ANK3: variants seen among roughly 807,000 people sequenced by gnomAD.
The protein encoded by ANK3 is ankyrin 3.
A neutral mutation model predicts 370.9 loss-of-function variants in ANK3; 57 were observed. That is an observed-to-expected ratio of 0.15 (90% CI 0.12 to 0.19). The LOEUF (loss-of-function observed/expected upper bound fraction) is 0.19, where lower values mean the gene tolerates loss of function less well. Ranked by LOEUF, ANK3 falls within the 10% of genes least tolerant of loss-of-function variation. ANK3 has a pLI of 1.00. For synonymous variants in ANK3, 1,929 were observed against 1,946.3 expected, an observed-to-expected ratio of 0.99 and a Z score of 0.23; for missense variants, 4,439 against 5,302.1, an observed-to-expected ratio of 0.84 and a Z score of 5.06.
chr10:60,488,189 A>AT (rs1296117474), intron 2 of ANK3, among the ~76,000 whole-genome samples: 1 of 152,080 alleles, frequency 6.6e-6, no homozygotes, highest in Non-Finnish European at 1.5e-5. Context: ...TGCCATTTGG[A>AT]TTTTCTTTGC....
At chr10:60,406,168 C>A (rs2063452094) in intron 2 of ANK3, among the ~76,000 whole-genome samples, 1 of 152,152 alleles carries the variant, frequency 6.6e-6, no homozygotes, top group African/African-American at 2.4e-5. Context: ...CTTTCCAGAC[C>A]ATACATAATA....
intron 2 of ANK3, among the ~76,000 whole-genome samples, chr10:60,425,694 G>T (rs1408092016): frequency 1.3e-5 from 2 of 152,130 alleles, no homozygotes; most frequent in African/African-American, 4.8e-5. Context: ...GATCATGAAA[G>T]ATTAAGGAAG....
At chr10:60,693,936 C>G (rs556638168) in intron 1 of ANK3, among the ~76,000 whole-genome samples, 1 of 151,516 alleles carries the variant, frequency 6.6e-6, no homozygotes, top group Non-Finnish European at 1.5e-5. Context: ...AGGCTTCAGA[C>G]GATCAAATTA....
chr10:60,220,666 T>A (rs1379368579), intron 8 of ANK3, among the ~76,000 whole-genome samples: 1 of 152,198 alleles, frequency 6.6e-6, no homozygotes, highest in African/African-American at 2.4e-5. Context: ...GCTTCCATTG[T>A]CCTGCCTTTC....
chr10:60,327,366 TTTTC>T lies in ANK3; in HGVS notation c.115-47731_115-47728del, dbSNP rs2050153591. ...TTAAGATAGCAAGCTGTTTTTTGTT[TTTTC>T]TTTCTAAGTGGACAGATACAATACA... On this transcript the variant is annotated intron_variant, in intron 1 of 43. Transcript: ENST00000280772. Among the ~76,000 whole-genome samples the T allele has an allele frequency of 2.6e-5, 4 of 152,346 alleles. No individual in the cohort carries two copies. The South Asian group carries it at 8.3e-4, about 32-fold the overall frequency.
At position 60,587,353 on chromosome 10, in the gene ANK3, C is replaced by T. The variant is rs191865019; in HGVS notation, c.96+27833G>A. On this transcript the variant is annotated intron_variant, in intron 2 of 43. Transcript: ENST00000373827. ...GAAGATAAACTTGAATTACATTAAG[C>T]CACTGAGATTATGGCTACTTTCATT... 5.3e-5 allele frequency among the ~76,000 whole-genome samples: 8 copies of T among 152,278 alleles called. No individual in the cohort carries two copies. The East Asian group carries it at 1.4e-3, about 26-fold the overall frequency.
rs554679107 is a variant in ANK3 at position 60,326,898 on chromosome 10, T to A, written c.115-47259A>T. ...TAGTCGGGTGCGGTGCGGGCGCCTT[T>A]AGTCCCAGCTACTCAGGAGGCTGAG... On this transcript the variant is annotated intron_variant, in intron 1 of 43. Transcript: ENST00000280772. Among the ~76,000 whole-genome samples, 3 of 152,056 alleles carry A rather than the reference T, an allele frequency of 2.0e-5. No individual in the cohort carries two copies. The East Asian group carries it at 5.8e-4, about 29-fold the overall frequency.
chr10:60,567,178 AG>A (rs2077483478), intron 2 of ANK3, among the ~76,000 whole-genome samples: 1 of 152,198 alleles, frequency 6.6e-6, no homozygotes, highest in South Asian at 2.1e-4. Context: ...CCTATACTGT[AG>A]TGGGAGAAGA....
intron 23 of ANK3, among the ~76,000 whole-genome samples, chr10:60,141,317 G>C (rs117421224): frequency 2.6e-5 from 4 of 152,064 alleles, no homozygotes; most frequent in Non-Finnish European, 5.9e-5. Flanking sequence ...GTGCTCCTTC[G>C]AGAGGTCCCT....
At chr10:60,134,476 A>G (rs1488170849) in intron 24 of ANK3, 103 bp from the exon 25 acceptor site, 2 of 771,334 alleles carry the variant, frequency 2.6e-6, no homozygotes, top group Middle Eastern at 2.4e-4. Flanking sequence ...ATGGCTAAAA[A>G]TATCAACAAA....
At chr10:60,679,039 G>T (rs543475850) in intron 1 of ANK3, among the ~76,000 whole-genome samples, 1 of 152,328 alleles carries the variant, frequency 6.6e-6, no homozygotes, top group East Asian at 1.9e-4. Flanking sequence ...GCTCAGGGTG[G>T]AGACAGCACT....
chr10:60,437,441 C>A (rs2064186357), intron 2 of ANK3, among the ~76,000 whole-genome samples: 1 of 152,214 alleles, frequency 6.6e-6, no homozygotes. Flanking sequence ...TAGGGGAACC[C>A]TGCAGTGCTG....
At chr10:60,719,011 C>T (rs1420128589) in intron 1 of ANK3, among the ~76,000 whole-genome samples, 4 of 152,128 alleles carry the variant, frequency 2.6e-5, no homozygotes, top group South Asian at 4.1e-4. Flanking sequence ...AAATCTTCCT[C>T]CCCTCAAAAT....
chr10:60,037,996 G>A (rs2075405771), intron 43 of ANK3, among the ~76,000 whole-genome samples: 1 of 152,220 alleles, frequency 6.6e-6, no homozygotes, highest in Non-Finnish European at 1.5e-5. Context: ...TCTGACTGGT[G>A]TGACATGGTA....
At chr10:60,644,239 A>T (rs115755744) in intron 1 of ANK3, among the ~76,000 whole-genome samples, 8 of 152,194 alleles carry the variant, frequency 5.3e-5, no homozygotes, top group Non-Finnish European at 1.2e-4. Context: ...CAATCTCTTG[A>T]TAGAAGTGCC....
At chr10:60,196,824 G>A (rs2096594553) in intron 14 of ANK3, among the ~76,000 whole-genome samples, 199 bp from the exon 15 acceptor site, 1 of 152,146 alleles carries the variant, frequency 6.6e-6, no homozygotes, top group Non-Finnish European at 1.5e-5. Flanking sequence ...GAGTTCAAGA[G>A]CCTTCTTATT....
chr10:60,175,134 A>G (rs1475654756), intron 18 of ANK3, among the ~76,000 whole-genome samples: 2 of 152,122 alleles, frequency 1.3e-5, no homozygotes, highest in Non-Finnish European at 2.9e-5. Context: ...AGTCTCCCCT[A>G]TCCTCCTCAT....
chr10:60,240,281 C>CATATATATATATAT (rs35855721), intron 7 of ANK3, among the ~76,000 whole-genome samples: 1 of 88,352 alleles, frequency 1.1e-5, no homozygotes, highest in Non-Finnish European at 2.1e-5. Context: ...TACACACACA[C>CATATATATATATAT]ATATATATAT....
Position 60,027,379 on chromosome 10 carries a change from T to TTTA in ANK3, c.*2464_*2466dup, listed in dbSNP as rs1218152337. 6.6e-6 allele frequency: 1 copy of TTTA among 151,478 alleles called. No individual in the cohort carries two copies. Among genetic ancestry groups the TTTA allele is most frequent in the Non-Finnish European group, 1.5e-5 (1 of 67,932 alleles). 9.4% of individuals were successfully genotyped at this position (151,478 alleles called of 1,614,324 possible). On this transcript the variant is annotated 3_prime_UTR_variant, in exon 44 of 44. Coordinates refer to ENST00000280772, the MANE Select transcript of ANK3 (RefSeq NM_020987.5). ...TTTTGGTGCAAGGGTAGTGGCACAT[T>TTTA]TTATTTATTTGGGATACCATGCAGA...
Sources: allele counts gnomAD v4.1 joint callset (sites outside exome capture counted in the v4.1 genomes callset), GRCh38; gene constraint gnomAD v4.1.1; transcripts MANE v1.5; gene names NCBI Gene and HGNC (gene_info 2026-07-23, HGNC 2026-07-21).